Variants in LIN52 observed in about 807,000 individuals in gnomAD.
The protein encoded by LIN52 is protein lin-52 homolog.
In LIN52, 4 loss-of-function variants were observed where a neutral mutation model predicts 18.5. The ratio of observed to expected loss-of-function variants is 0.22; its 90% confidence interval spans 0.11 to 0.49. LIN52 has a LOEUF of 0.49. LIN52 is among the 20% of genes least tolerant of loss of function. The pLI is 0.97. For missense variants in LIN52, 102 were observed against 139.5 expected, an observed-to-expected ratio of 0.73 and a Z score of 1.35; for synonymous variants, 34 against 45.5, an observed-to-expected ratio of 0.75 and a Z score of 1.02.
chr14:74,197,464 C>A (rs2078921027), intron 5 of LIN52, among the ~76,000 whole-genome samples: 1 of 152,200 alleles, frequency 6.6e-6, no homozygotes, highest in African/African-American at 2.4e-5. Context: ...AAGACCAAAG[C>A]TCTTAACAGT....
At chr14:74,186,938 G>A (rs192439891) in intron 5 of LIN52, among the ~76,000 whole-genome samples, 1 of 152,136 alleles carries the variant, frequency 6.6e-6, no homozygotes, top group Admixed American at 6.5e-5. Context: ...TATTAGCCGG[G>A]CGTTATGGCA....
intron 5 of LIN52, among the ~76,000 whole-genome samples, chr14:74,123,605 G>C (rs1429448265): frequency 6.6e-6 from 1 of 152,196 alleles, no homozygotes; most frequent in East Asian, 1.9e-4. Context: ...AGAGAAGCCA[G>C]GAGGATGTGT....
At chr14:74,121,567 G>A (rs1241187138) in intron 5 of LIN52, among the ~76,000 whole-genome samples, 3 of 152,150 alleles carry the variant, frequency 2.0e-5, no homozygotes, top group African/African-American at 7.2e-5. Flanking sequence ...AATAGTTAAA[G>A]ATGCTTTGGT....
At chr14:74,155,631 C>G (rs4903195) in intron 5 of LIN52, among the ~76,000 whole-genome samples, 124,007 of 152,176 alleles carry the variant, frequency 0.81, 50,740 homozygotes, top group Admixed American at 0.83. Flanking sequence ...GATTAGACTC[C>G]GTCGTAGTAG....
intron 5 of LIN52, among the ~76,000 whole-genome samples, chr14:74,170,796 G>A (rs999008501): frequency 1.3e-5 from 2 of 151,608 alleles, no homozygotes; most frequent in Non-Finnish European, 2.9e-5. Context: ...CCTTGATATT[G>A]TGGGACAATA....
At chr14:74,130,277 G>GTTTTTTTTTTTGTTTTTTTTTTT (rs371965343) in intron 5 of LIN52, among the ~76,000 whole-genome samples, 8,303 of 45,194 alleles carry the variant, frequency 0.18, 775 homozygotes, top group Middle Eastern at 0.28. Context: ...GGCATTTTTT[G>GTTTTTTTTTTTGTTTTTTTTTTT]GTTTTTTTTT....
chr14:74,130,588 A>ATTTTTTTTTTT (rs34746271), intron 5 of LIN52, among the ~76,000 whole-genome samples: 1 of 72,960 alleles, frequency 1.4e-5, no homozygotes, highest in Non-Finnish European at 2.4e-5. Flanking sequence ...TAAATTGGCC[A>ATTTTTTTTTTT]TTTTTTTTTT....
chr14:74,137,485 T>G (rs7143255), intron 5 of LIN52, among the ~76,000 whole-genome samples: 143,129 of 145,888 alleles, frequency 0.98, 70,229 homozygotes, highest in East Asian at 1. Context: ...ACTAAATTCT[T>G]CACAGCAGCT....
In LIN52 at chr14:74,097,327, A is replaced by T. The variant is rs181302131; in HGVS notation, c.133-467A>T. Among the ~76,000 whole-genome samples, 320 of 152,214 alleles carry T rather than the reference A, an allele frequency of 2.1e-3. 2 individuals carry two copies. Among genetic ancestry groups the T allele is most frequent in the Non-Finnish European group, 2.9e-3 (195 of 68,020 alleles). ...TTTTTGCAGTGACTATTTGTAGGCC[A>T]TATCTAAACCTGGAGAAATCCAGGT... On this transcript the variant is annotated intron_variant, in intron 3 of 5. Coordinates refer to ENST00000555028, the MANE Select transcript of LIN52 (RefSeq NM_001024674.3).
chr14:74,137,192 G>A (rs1366612558), intron 5 of LIN52, among the ~76,000 whole-genome samples: 2 of 147,050 alleles, frequency 1.4e-5, no homozygotes, highest in South Asian at 2.1e-4. Flanking sequence ...TCTATATTAC[G>A]TATTGATATT....
At chr14:74,133,961 G>A (rs868803215) in intron 5 of LIN52, among the ~76,000 whole-genome samples, 2 of 152,164 alleles carry the variant, frequency 1.3e-5, no homozygotes, top group African/African-American at 4.8e-5. Flanking sequence ...TTAACATGTA[G>A]TTAAGAAATG....
At chr14:74,096,937 C>T (rs1014707908) in intron 3 of LIN52, among the ~76,000 whole-genome samples, 4 of 152,150 alleles carry the variant, frequency 2.6e-5, no homozygotes, top group Non-Finnish European at 4.4e-5. Flanking sequence ...CAGAGCTATT[C>T]TAAGAATGGG....
chr14:74,183,874 A>C (rs2061330196), intron 5 of LIN52, among the ~76,000 whole-genome samples: 1 of 152,200 alleles, frequency 6.6e-6, no homozygotes, highest in Non-Finnish European at 1.5e-5. Context: ...AGAATAAAAT[A>C]ATAATTATTT....
chr14:74,119,571 C>T (rs576967969), intron 5 of LIN52, among the ~76,000 whole-genome samples: 13 of 152,200 alleles, frequency 8.5e-5, no homozygotes, highest in African/African-American at 3.1e-4. Context: ...AATAGTTTTC[C>T]AAAGTGGTTA....
At chr14:74,085,172 G>A (rs565450689) in intron 1 of LIN52, 179 bp downstream of exon 1, 175 of 480,716 alleles carry the variant, frequency 3.6e-4, no homozygotes, top group African/African-American at 3.4e-3. Context: ...CAGCAGCTCC[G>A]GAGGTGCCCA....
At chr14:74,175,340 G>A (rs1485225097) in intron 5 of LIN52, among the ~76,000 whole-genome samples, 1 of 151,658 alleles carries the variant, frequency 6.6e-6, no homozygotes, top group Non-Finnish European at 1.5e-5. Context: ...GGGCATGGTG[G>A]CTCATGTTTA....
At position 74,120,622 on chromosome 14, in the gene LIN52, G is replaced by T. The variant is rs541701342; in HGVS notation, c.283+19384G>T. Among the ~76,000 whole-genome samples, 3 of 152,288 alleles carry T rather than the reference G, an allele frequency of 2.0e-5. No homozygotes were observed. In the East Asian group the frequency reaches 5.8e-4, roughly 29 times the overall value. ...ATACAAAAATTAGCCGGGCTTGGTG[G>T]TGGGTGCCTGTAATCCCAGCTACTC... is the stretch of plus-strand genomic sequence containing the variant. On this transcript the variant is annotated intron_variant, in intron 5 of 5. Coordinates refer to ENST00000555028, the MANE Select transcript of LIN52 (RefSeq NM_001024674.3).
At chr14:74,147,784 A>G (rs2061158553) in intron 5 of LIN52, among the ~76,000 whole-genome samples, 1 of 152,186 alleles carries the variant, frequency 6.6e-6, no homozygotes, top group African/African-American at 2.4e-5. Context: ...AGTCAAATTC[A>G]TAGAGACAGA....
chr14:74,166,938 T>G (rs956554001), intron 5 of LIN52, among the ~76,000 whole-genome samples: 4 of 151,752 alleles, frequency 2.6e-5, no homozygotes, highest in Non-Finnish European at 5.9e-5. Flanking sequence ...CTGGGGAGAG[T>G]GGAATTGATG....
Sources: gnomAD v4.1 joint callset for allele counts (sites outside exome capture counted in the v4.1 genomes callset) on GRCh38, gnomAD v4.1.1 for gene constraint, MANE v1.5 for transcripts, NCBI Gene and HGNC (gene_info 2026-07-23, HGNC 2026-07-21) for gene names.